Variants in CDH4 observed in about 807,000 individuals in gnomAD.
CDH4 encodes cadherin-4.
In CDH4, 33 loss-of-function variants were observed where a neutral mutation model predicts 86.0. The ratio of observed to expected loss-of-function variants is 0.38; its 90% CI spans 0.29 to 0.51. The LOEUF (loss-of-function observed/expected upper bound fraction) is 0.51. Ranked by LOEUF, CDH4 falls within the 20% of genes least tolerant of loss-of-function variation. The pLI, the probability that CDH4 is intolerant of heterozygous loss-of-function variation, is 0.86. For synonymous variants in CDH4, 555 were observed against 549.4 expected, an observed-to-expected ratio of 1.01 and a Z score of -0.14; for missense variants, 1,114 against 1,307.4, an observed-to-expected ratio of 0.85 and a Z score of 2.28.
At chr20:61,439,977 A>ATAC (rs1349395989) in intron 2 of CDH4, among the ~76,000 whole-genome samples, 1 of 152,228 alleles carries the variant, frequency 6.6e-6, no homozygotes, top group African/African-American at 2.4e-5. Context: ...TCTCTGCCTA[A>ATAC]TACACTCAGG....
At chr20:61,309,509 G>A (rs1190688182) in intron 2 of CDH4, among the ~76,000 whole-genome samples, 1 of 152,154 alleles carries the variant, frequency 6.6e-6, no homozygotes, top group Non-Finnish European at 1.5e-5. Flanking sequence ...GTTCATTTGA[G>A]GCATTTTACT....
chr20:61,700,593 G>A (rs976627284), intron 2 of CDH4, among the ~76,000 whole-genome samples: 1 of 152,220 alleles, frequency 6.6e-6, no homozygotes, highest in Non-Finnish European at 1.5e-5. Context: ...CCTGGTCAGT[G>A]AAAGAATGTC....
chr20:61,884,757 C>A (rs530735072), intron 7 of CDH4, among the ~76,000 whole-genome samples: 13 of 152,304 alleles, frequency 8.5e-5, no homozygotes, highest in African/African-American at 3.1e-4. Flanking sequence ...ATGTGCCACC[C>A]AGGCAGCACC....
At chr20:61,609,625 G>A (rs140327602) in intron 2 of CDH4, among the ~76,000 whole-genome samples, 9 of 152,316 alleles carry the variant, frequency 5.9e-5, no homozygotes, top group African/African-American at 9.6e-5. Context: ...GAGATGTCAC[G>A]TGCTCCTCAT....
intron 2 of CDH4, among the ~76,000 whole-genome samples, chr20:61,397,539 C>G (rs2085024968): frequency 6.6e-6 from 1 of 152,036 alleles, no homozygotes; most frequent in Admixed American, 6.6e-5. Context: ...AAACCTGGGT[C>G]TTGTTACTGG....
Position 61,480,256 on chromosome 20 carries a change from G to A in CDH4, c.169+225319G>A, listed in dbSNP as rs1014657497. Among the ~76,000 whole-genome samples the A allele has an allele frequency of 1.2e-4, 19 of 152,088 alleles. No individual in the cohort carries two copies. The highest frequency in any genetic ancestry group is 9.2e-4 in the Admixed American group (14 of 15,270). On this transcript the variant is annotated intron_variant, in intron 2 of 15. Transcript: ENST00000614565. This position sits in a 1 kb window ranked among gnomAD's most constrained non-coding sequence, Gnocchi z 5.2. ...ACCCCAGGCTCCCCCTCTCGTGGTA[G>A]CCTGGAAACTCCCCAAGCGGAAGCC...
At chr20:61,453,892 G>C (rs1168409736) in intron 2 of CDH4, among the ~76,000 whole-genome samples, 1 of 152,128 alleles carries the variant, frequency 6.6e-6, no homozygotes, top group Non-Finnish European at 1.5e-5. Flanking sequence ...GTTCTCACAA[G>C]ATCTGAGGGT....
At chr20:61,466,268 G>C (rs1445909143) in intron 2 of CDH4, among the ~76,000 whole-genome samples, 1 of 152,178 alleles carries the variant, frequency 6.6e-6, no homozygotes, top group Non-Finnish European at 1.5e-5. Flanking sequence ...CTTCTCTCCA[G>C]ATGTTTGACA....
rs1050715182 is a variant in CDH4 at position 61,829,274 on chromosome 20, C to A, written c.577-15394C>A. Among the ~76,000 whole-genome samples, 2 of 152,220 alleles carry A rather than the reference C, an allele frequency of 1.3e-5. No individual in the cohort carries two copies. Among genetic ancestry groups the A allele is most frequent in the Non-Finnish European group, 2.9e-5 (2 of 68,052 alleles). On this transcript the variant is annotated intron_variant, in intron 4 of 15. Transcript: ENST00000614565. The surrounding 1 kb of genome is among the most constrained non-coding windows in gnomAD (Gnocchi z 4.2). ...AGGAGGTATTATGTGGGGTTTGTGT[C>A]CGGCTTCTTTCGCTGAGCATAATGT...
chr20:61,400,871 T>C (rs181942395), intron 2 of CDH4, among the ~76,000 whole-genome samples: 9 of 152,376 alleles, frequency 5.9e-5, no homozygotes, highest in Admixed American at 4.6e-4. Flanking sequence ...CATCCTTTCA[T>C]CTGCACCTTG....
rs112575130 is a variant in CDH4, at chr20:61,456,563, G to A, written c.169+201626G>A. On this transcript the variant is annotated intron_variant, in intron 2 of 15. Coordinates refer to ENST00000614565, the MANE Select transcript of CDH4 (RefSeq NM_001794.5). The stretch of plus-strand genomic sequence containing the variant: ...CCACATCAATAAATAATTCACCCAC[G>A]TGGTTGAAAGTGCTGGGGTCGGGAA... 7.0e-3 allele frequency among the ~76,000 whole-genome samples: 1,064 copies of A among 152,326 alleles called. 13 individuals carry two copies. Among genetic ancestry groups the A allele is most frequent in the African/African-American group, 0.024 (994 of 41,566 alleles).
chr20:61,412,729 C>A (rs1467261739), intron 2 of CDH4, among the ~76,000 whole-genome samples: 2 of 152,198 alleles, frequency 1.3e-5, no homozygotes, highest in Non-Finnish European at 2.9e-5. Flanking sequence ...TCCCCAGAAG[C>A]TTTGGGACTG....
intron 2 of CDH4, among the ~76,000 whole-genome samples, chr20:61,456,845 A>G (rs2085409447): frequency 6.6e-6 from 1 of 152,200 alleles, no homozygotes. Context: ...TGTTCTATAA[A>G]TGCAGCAAAG....
At chr20:61,727,737 C>T (rs1232666544) in intron 2 of CDH4, among the ~76,000 whole-genome samples, 5 of 152,144 alleles carry the variant, frequency 3.3e-5, no homozygotes, top group Non-Finnish European at 7.4e-5. Flanking sequence ...ACAACCAGTT[C>T]CCTTGGGAGC....
intron 2 of CDH4, among the ~76,000 whole-genome samples, chr20:61,596,179 C>T (rs1271396892): frequency 6.6e-6 from 1 of 152,186 alleles, no homozygotes; most frequent in East Asian, 1.9e-4. Flanking sequence ...TTGGTCTTTA[C>T]CTGTAAAGTT....
intron 2 of CDH4, among the ~76,000 whole-genome samples, chr20:61,273,577 G>A (rs2084200593): frequency 6.9e-6 from 1 of 145,150 alleles, no homozygotes; most frequent in Non-Finnish European, 1.5e-5. Context: ...CAGTTTGGGG[G>A]AATACCGAGT....
chr20:61,570,804 CT>C lies in CDH4; in HGVS notation c.170-172758del, dbSNP rs1292205713. The C allele has an allele frequency of 5.7e-6, 4 of 701,890 alleles. No homozygotes were observed. In the Admixed American group the frequency reaches 6.0e-5, roughly 11 times the overall value. 43.5% of individuals were successfully genotyped at this position (701,890 alleles called of 1,614,324 possible). ...CTGTAATAAATGCTAATTACCTTCT[CT>C]GCCGCGCCAGGGGGTTGCTGCTGTT... On this transcript the variant is annotated intron_variant, in intron 2 of 15. Coordinates refer to ENST00000614565, the MANE Select transcript of CDH4 (RefSeq NM_001794.5).
At chr20:61,662,596 A>G (rs961109550) in intron 2 of CDH4, among the ~76,000 whole-genome samples, 4 of 152,116 alleles carry the variant, frequency 2.6e-5, no homozygotes, top group African/African-American at 9.7e-5. Flanking sequence ...GTGTGCCTGG[A>G]GGACTGGGGC....
At chr20:61,499,462 A>C (rs1438454996) in intron 2 of CDH4, 1 of 1,288,918 alleles carries the variant, frequency 7.8e-7, no homozygotes, top group African/African-American at 1.5e-5. Context: ...CTTCATTCTC[A>C]GCGCCTCCTT....
Sources: gnomAD v4.1 joint callset for allele counts (sites outside exome capture counted in the v4.1 genomes callset) on GRCh38, gnomAD v4.1.1 for gene constraint, Gnocchi (gnomAD v3.1) non-coding constraint, MANE v1.5 for transcripts, NCBI Gene and HGNC (gene_info 2026-07-23, HGNC 2026-07-21) for gene names.